The following XYLB variants were observed in gnomAD, a reference collection of about 807,000 sequenced individuals.
The protein encoded by XYLB is xylulose kinase.
A neutral mutation model predicts 78.7 loss-of-function variants in XYLB; 62 were observed. The ratio of observed to expected loss-of-function variants is 0.79; its 90% CI spans 0.64 to 0.97. XYLB has a LOEUF of 0.97. XYLB is among the 50% of genes least tolerant of loss of function. The pLI is 0.00. For synonymous variants in XYLB, 245 were observed against 247.4 expected (o/e 0.99, Z 0.09); for missense variants, 687 against 676.8 (o/e 1.02, Z -0.17).
In XYLB at chr3:38,377,447, T is replaced by C. The variant is rs143088364; in HGVS notation, c.1194+456T>C. ...TACCTTCCTCATTTACTTTTCTTTT[T>C]TTTTTTTTTTAATTTTTTGAGATGG... On this transcript the variant is annotated intron_variant, in intron 14 of 18. Transcript: ENST00000207870. 2.4e-3 allele frequency among the ~76,000 whole-genome samples: 360 copies of C among 151,038 alleles called. 2 individuals are homozygous for C. The highest frequency in any genetic ancestry group is 8.4e-3 in the African/African-American group (345 of 41,112).
chr3:38,431,825 C>T, the XYLB span, among the ~76,000 whole-genome samples: 1 of 152,114 alleles, frequency 6.6e-6, no homozygotes, highest in African/African-American at 2.4e-5. Flanking sequence ...AAGGGGAAGC[C>T]TCCTATAATA....
the XYLB span, among the ~76,000 whole-genome samples, chr3:38,430,726 T>C: frequency 6.6e-6 from 1 of 152,216 alleles, no homozygotes; most frequent in Non-Finnish European, 1.5e-5. Flanking sequence ...TGAATTAATT[T>C]TTGTATGAGG....
the XYLB span, among the ~76,000 whole-genome samples, chr3:38,433,579 A>G: frequency 6.6e-6 from 1 of 152,204 alleles, no homozygotes; most frequent in Non-Finnish European, 1.5e-5. Flanking sequence ...CTCAAGTTCA[A>G]AGTTCCACAG....
At chr3:38,408,229 C>G (rs1708415865) in intron 18 of XYLB, among the ~76,000 whole-genome samples, 1 of 152,108 alleles carries the variant, frequency 6.6e-6, no homozygotes, top group South Asian at 2.1e-4. Flanking sequence ...GATTAAGAAA[C>G]TCACTCAAAA....
chr3:38,366,619 C>G (rs932552257), intron 6 of XYLB, among the ~76,000 whole-genome samples, 189 bp from the exon 7 acceptor site: 1 of 152,184 alleles, frequency 6.6e-6, no homozygotes, highest in African/African-American at 2.4e-5. Flanking sequence ...TCCAGAGTTC[C>G]TCTCGCTTCA....
the XYLB span, among the ~76,000 whole-genome samples, chr3:38,440,187 A>T: frequency 6.6e-6 from 1 of 152,314 alleles, no homozygotes; most frequent in East Asian, 1.9e-4. Flanking sequence ...TTTCCTCAAG[A>T]TTAGAAGTTA....
At chr3:38,393,041 CA>C (rs1484773758) in intron 15 of XYLB, among the ~76,000 whole-genome samples, 1 of 152,168 alleles carries the variant, frequency 6.6e-6, no homozygotes, top group Non-Finnish European at 1.5e-5. Flanking sequence ...TCCAGTTTTC[CA>C]AACACTATTT....
At chr3:38,445,385 A>G in the XYLB span, among the ~76,000 whole-genome samples, 2 of 152,310 alleles carry the variant, frequency 1.3e-5, no homozygotes, top group African/African-American at 4.8e-5. Flanking sequence ...CAGAGTCATG[A>G]AATTTATACT....
chr3:38,370,640 C>T lies in XYLB; in HGVS notation c.765+466C>T, dbSNP rs367743023. ...CTATCAGCTTTGTGACTTTGTGTCT[C>T]GGTTTCCTCATCTGGAACAAGGGGA... On this transcript the variant is annotated intron_variant, in intron 9 of 18. Transcript: ENST00000207870. 4.3e-4 allele frequency among the ~76,000 whole-genome samples: 66 copies of T among 152,212 alleles called. No homozygotes were observed. In the Middle Eastern group the frequency reaches 0.01, roughly 24 times the overall value.
At chr3:38,385,474 T>G (rs1368088469) in intron 15 of XYLB, among the ~76,000 whole-genome samples, 1 of 152,226 alleles carries the variant, frequency 6.6e-6, no homozygotes, top group African/African-American at 2.4e-5. Flanking sequence ...TTTATGAATT[T>G]TTTCTTTTTC....
At chr3:38,403,125 G>A (rs1467964239) in intron 18 of XYLB, among the ~76,000 whole-genome samples, 3 of 151,668 alleles carry the variant, frequency 2.0e-5, no homozygotes, top group South Asian at 2.1e-4. Context: ...GGCAAAAACC[G>A]TGTCTCTACA....
chr3:38,389,810 T>C (rs1482549717), intron 15 of XYLB, among the ~76,000 whole-genome samples: 3 of 152,186 alleles, frequency 2.0e-5, no homozygotes, highest in Non-Finnish European at 4.4e-5. Context: ...ACTGCTTCCA[T>C]AGTAGTTCAC....
At chr3:38,358,036 G>C (rs1420253824) in intron 2 of XYLB, among the ~76,000 whole-genome samples, 1 of 150,894 alleles carries the variant, frequency 6.6e-6, no homozygotes, top group African/African-American at 2.4e-5. Context: ...TTTTAATTTT[G>C]ATAAAGTCTA....
chr3:38,432,024 G>T, the XYLB span, among the ~76,000 whole-genome samples: 18,358 of 152,218 alleles, frequency 0.12, 1,346 homozygotes, highest in Non-Finnish European at 0.16. Flanking sequence ...CTGTTCCAAA[G>T]GGGAGACATT....
the XYLB span, among the ~76,000 whole-genome samples, chr3:38,434,072 G>A: frequency 1.3e-5 from 2 of 152,192 alleles, no homozygotes; most frequent in Admixed American, 6.5e-5. Flanking sequence ...CTGAGTGAAG[G>A]TGGGGAAGCC....
At position 38,379,291 on chromosome 3, in the gene XYLB, G is replaced by A. The variant is rs1379595693; in HGVS notation, c.1240G>A (p.Gly414Arg). 1 of 1,614,150 alleles carries A rather than the reference G, an allele frequency of 6.2e-7. No individual in the cohort carries two copies. The highest frequency in any genetic ancestry group is 1.7e-5 in the Admixed American group (1 of 60,020). Residue 414 changes from glycine to arginine, a missense_variant, in exon 15 of 19, where the codon GGA becomes AGA. By Grantham distance (125) the Gly-to-Arg change is moderately radical. Coordinates refer to ENST00000207870, the MANE Select transcript of XYLB (RefSeq NM_005108.4). ...GDVEVRALIE[G>R]QFMAKRIHAE... ...TGTGGAGGTTCGAGCACTAATTGAA[G>A]GACAATTCATGGCCAAGAGGATTCA...
intron 17 of XYLB, among the ~76,000 whole-genome samples, chr3:38,400,084 A>G (rs905494076): frequency 1.3e-5 from 2 of 152,054 alleles, no homozygotes; most frequent in African/African-American, 4.8e-5. Flanking sequence ...TGGTGTTTGT[A>G]TATCTGACGC....
At chr3:38,382,427 G>T (rs1168521255) in intron 15 of XYLB, among the ~76,000 whole-genome samples, 1 of 152,180 alleles carries the variant, frequency 6.6e-6, no homozygotes, top group Non-Finnish European at 1.5e-5. Context: ...CATGTTCCAT[G>T]GGTGTGTTTA....
chr3:38,438,248 C>G, the XYLB span, among the ~76,000 whole-genome samples: 777 of 151,728 alleles, frequency 5.1e-3, 7 homozygotes, highest in African/African-American at 0.018. Context: ...TAAAGGCAAT[C>G]CCATTTACAA....
Sources: gnomAD v4.1 joint callset for allele counts (sites outside exome capture counted in the v4.1 genomes callset) on GRCh38, gnomAD v4.1.1 for gene constraint, MANE v1.5 for transcripts, NCBI Gene and HGNC (gene_info 2026-07-23, HGNC 2026-07-21) for gene names.